SLC22A23: variants seen among roughly 807,000 people sequenced by gnomAD.
SLC22A23 encodes the protein ion transporter protein.
Under a neutral mutation model 61.0 loss-of-function variants are expected in SLC22A23, and 26 were observed. That is an observed-to-expected ratio of 0.43 (90% CI 0.31 to 0.59). SLC22A23 has a LOEUF of 0.59. Ranked by LOEUF, SLC22A23 falls within the 20% of genes least tolerant of loss-of-function variation. SLC22A23 has a pLI of 0.11. For missense variants in SLC22A23, 796 were observed against 934.7 expected (o/e 0.85, Z 1.94); for synonymous variants, 430 against 413.9 (o/e 1.04, Z -0.47).
chr6:3,381,682 A>G (rs1311126654), intron 3 of SLC22A23, among the ~76,000 whole-genome samples: 1 of 151,960 alleles, frequency 6.6e-6, no homozygotes, highest in Non-Finnish European at 1.5e-5. Context: ...TGCGAGGGGG[A>G]CAGTAGTGGA....
chr6:3,428,969 GCCCCC>G (rs879875454), intron 1 of SLC22A23, among the ~76,000 whole-genome samples: 45,801 of 151,948 alleles, frequency 0.3, 8,087 homozygotes, highest in East Asian at 0.47. Flanking sequence ...GGGCTCTGTA[GCCCCC>G]TCTTCAAACG....
chr6:3,367,063 C>T (rs975701847), intron 3 of SLC22A23, among the ~76,000 whole-genome samples: 3 of 152,190 alleles, frequency 2.0e-5, no homozygotes, highest in African/African-American at 7.2e-5. Flanking sequence ...CAACTCCTGA[C>T]GAGATGCCTT....
chr6:3,301,281 A>T (rs1405155868), intron 4 of SLC22A23, among the ~76,000 whole-genome samples: 1 of 152,116 alleles, frequency 6.6e-6, no homozygotes, highest in Non-Finnish European at 1.5e-5. Flanking sequence ...GGTCATTATT[A>T]TTAATTTTCT....
chr6:3,282,425 C>G, intron 9 of SLC22A23: 1 of 649,568 alleles, frequency 1.5e-6, no homozygotes. Context: ...CTGTAGGATA[C>G]GATCCAAGAG....
chr6:3,290,451 G>A, intron 5 of SLC22A23: 1 of 175,108 alleles, frequency 5.7e-6, no homozygotes, highest in Admixed American at 5.4e-5. Context: ...ACATCTGCGT[G>A]TATGTGTATA....
At chr6:3,364,976 G>C (rs1221833142) in intron 3 of SLC22A23, among the ~76,000 whole-genome samples, 1 of 152,164 alleles carries the variant, frequency 6.6e-6, no homozygotes, top group Non-Finnish European at 1.5e-5. Flanking sequence ...GACATTAAAG[G>C]GCCGAGGGAA....
intron 9 of SLC22A23, chr6:3,276,767 T>C (rs1051092625): frequency 3.9e-5 from 6 of 152,214 alleles, no homozygotes; most frequent in African/African-American, 7.2e-5. Context: ...CATTAGATGA[T>C]TGTCAAGACT....
chr6:3,351,053 G>C (rs567963266), intron 3 of SLC22A23, among the ~76,000 whole-genome samples: 22 of 152,202 alleles, frequency 1.4e-4, no homozygotes, highest in Admixed American at 2.6e-4. Context: ...GGAGAAGCAA[G>C]GCCAGGCCGA....
intron 3 of SLC22A23, among the ~76,000 whole-genome samples, chr6:3,357,305 T>C (rs1223975146): frequency 6.6e-6 from 1 of 152,170 alleles, no homozygotes; most frequent in Admixed American, 6.5e-5. Flanking sequence ...CTCTGTAAAG[T>C]CTTTGCTAAT....
At chr6:3,284,838 G>C (rs946494699) in intron 8 of SLC22A23, 1 of 1,416,242 alleles carries the variant, frequency 7.1e-7, no homozygotes, top group Non-Finnish European at 9.6e-7. Context: ...GGGAAGGGGC[G>C]GGGGCATGCG....
At chr6:3,334,516 A>G (rs1763746971) in intron 3 of SLC22A23, among the ~76,000 whole-genome samples, 1 of 151,934 alleles carries the variant, frequency 6.6e-6, no homozygotes, top group South Asian at 2.1e-4. Flanking sequence ...TTTTCAATGA[A>G]AAAAAAGAGT....
chr6:3,297,848 G>T lies in SLC22A23; in HGVS notation c.1210+243C>A, dbSNP rs9378778. On this transcript the variant is annotated intron_variant, in intron 5 of 9. Transcript: ENST00000406686. The surrounding 1 kb of genome is among the most constrained non-coding windows in gnomAD (Gnocchi z 4.3). ...GCAGTGTATATTGGGCTCATGGCTC[G>T]CTTCTGCATTTAGACAGGAGATGAG... Among the ~76,000 whole-genome samples the T allele has an allele frequency of 0.058, 8,828 of 152,270 alleles. 508 individuals are homozygous for T. Among genetic ancestry groups the T allele is most frequent in the East Asian group, 0.24 (1,255 of 5,186 alleles).
At chr6:3,369,462 G>A (rs769811371) in intron 3 of SLC22A23, among the ~76,000 whole-genome samples, 6 of 152,110 alleles carry the variant, frequency 3.9e-5, no homozygotes, top group Non-Finnish European at 7.4e-5. Context: ...AGGCCAAGGC[G>A]GGTGGATCAC....
chr6:3,292,934 A>G (rs1760741431), intron 5 of SLC22A23, among the ~76,000 whole-genome samples: 1 of 152,186 alleles, frequency 6.6e-6, no homozygotes, highest in South Asian at 2.1e-4. Context: ...AGGGAGGGAA[A>G]GGAGGCCCTG....
chr6:3,325,712 T>A (rs1763240730), intron 3 of SLC22A23, among the ~76,000 whole-genome samples: 1 of 152,142 alleles, frequency 6.6e-6, no homozygotes, highest in Non-Finnish European at 1.5e-5. Context: ...CAGTTGTAGG[T>A]CTTGTTTTCA....
chr6:3,325,179 G>A (rs1220019475), intron 3 of SLC22A23, among the ~76,000 whole-genome samples: 1 of 152,212 alleles, frequency 6.6e-6, no homozygotes, highest in East Asian at 1.9e-4. Flanking sequence ...TTATGCCTGT[G>A]TGTTGGAGGC....
chr6:3,299,769 A>G (rs1384134613), intron 4 of SLC22A23, among the ~76,000 whole-genome samples: 1 of 152,078 alleles, frequency 6.6e-6, no homozygotes, highest in Non-Finnish European at 1.5e-5. Context: ...GGGTGTGGCT[A>G]TGGGCTAATA....
At chr6:3,363,635 C>T (rs1765623061) in intron 3 of SLC22A23, among the ~76,000 whole-genome samples, 1 of 152,256 alleles carries the variant, frequency 6.6e-6, no homozygotes, top group African/African-American at 2.4e-5. Flanking sequence ...AAGGTGCCTG[C>T]TTGCAATTCT....
chr6:3,282,844 A>G (rs1162432895), intron 9 of SLC22A23, among the ~76,000 whole-genome samples: 1 of 152,232 alleles, frequency 6.6e-6, no homozygotes, highest in African/African-American at 2.4e-5. Context: ...TGGCAACAGT[A>G]AATGGCGTGT....
Sources: allele counts gnomAD v4.1 joint callset (sites outside exome capture counted in the v4.1 genomes callset), GRCh38; gene constraint gnomAD v4.1.1; non-coding constraint Gnocchi (gnomAD v3.1); transcripts MANE v1.5; gene names NCBI Gene and HGNC (gene_info 2026-07-23, HGNC 2026-07-21).